ANK3: variants seen among roughly 807,000 people sequenced by gnomAD.
ANK3 encodes ankyrin 3.
Under a neutral mutation model 370.9 loss-of-function variants are expected in ANK3, and 57 were observed. That is an observed-to-expected ratio of 0.15 (90% CI 0.12 to 0.19). The LOEUF (loss-of-function observed/expected upper bound fraction) is 0.19, where lower values mean the gene tolerates loss of function less well. Among genes scored for constraint, ANK3 ranks in the 10% least tolerant of loss-of-function variants. The pLI is 1.00. For synonymous variants in ANK3, 1,929 were observed against 1,946.3 expected (o/e 0.99, Z 0.23); for missense variants, 4,439 against 5,302.1 (o/e 0.84, Z 5.06).
In ANK3 at chr10:60,723,705, G is replaced by C. The variant is rs150305440; in HGVS notation, c.57+9558C>G. On this transcript the variant is annotated intron_variant, in intron 1 of 43. Transcript: ENST00000373827. ...ACCATTAGGGCCCCTTTTTTTAAAC[G>C]ACCAAGATAGCTGATTTTACAAAAA... 7.9e-4 allele frequency among the ~76,000 whole-genome samples: 120 copies of C among 152,152 alleles called. 1 individual carries two copies. The highest frequency in any genetic ancestry group is 6.8e-3 in the Middle Eastern group (2 of 294).
chr10:60,323,735 G>A (rs1463561749), intron 1 of ANK3, among the ~76,000 whole-genome samples: 4 of 152,050 alleles, frequency 2.6e-5, no homozygotes, highest in African/African-American at 4.8e-5. Flanking sequence ...TTGGAGAGAT[G>A]AAAAAAGATC....
In ANK3 at chr10:60,535,696, G is replaced by T. The variant is rs560221837; in HGVS notation, c.96+79490C>A. On this transcript the variant is annotated intron_variant, in intron 2 of 43. Coordinates refer to the ANK3 transcript ENST00000373827. Reference sequence around the variant, plus strand: ...TAATTCCCCTCACAGGGCAAATATTGGTTCTGGGGTTGGGGGAAGAAAAAT... The same window carrying T: ...TAATTCCCCTCACAGGGCAAATATTTGTTCTGGGGTTGGGGGAAGAAAAAT... 1.5e-4 allele frequency among the ~76,000 whole-genome samples: 23 copies of T among 152,030 alleles called. 1 individual carries two copies. In the East Asian group the frequency reaches 3.1e-3, roughly 21 times the overall value.
chr10:60,176,368 C>CAA (rs752384374), intron 18 of ANK3, among the ~76,000 whole-genome samples: 4,124 of 101,946 alleles, frequency 0.04, 303 homozygotes, highest in African/African-American at 0.14. Flanking sequence ...CTCTGTCTCC[C>CAA]AAAAAAAAAA....
chr10:60,103,067 C>T (rs1188524947), intron 28 of ANK3, among the ~76,000 whole-genome samples: 6 of 152,064 alleles, frequency 3.9e-5, no homozygotes, highest in Non-Finnish European at 5.9e-5. Flanking sequence ...TCTCTTGCCT[C>T]AGCCTCCCGA....
intron 2 of ANK3, among the ~76,000 whole-genome samples, chr10:60,505,805 T>C (rs2075923569): frequency 1.3e-5 from 2 of 151,188 alleles, no homozygotes; most frequent in East Asian, 3.9e-4. Flanking sequence ...TAAAAAGCTC[T>C]TTTTTTTGAT....
At chr10:60,172,452 T>C in intron 20 of ANK3, 49 bp from the exon 21 acceptor site, 2 of 1,398,944 alleles carry the variant, frequency 1.4e-6, no homozygotes, top group Non-Finnish European at 2.0e-6. Context: ...TTATTCCACA[T>C]TTTTTTTGCT....
intron 28 of ANK3, among the ~76,000 whole-genome samples, chr10:60,099,595 T>TACTTTTCCATTTGTGC (rs2090810624): frequency 6.6e-6 from 1 of 152,212 alleles, no homozygotes; most frequent in South Asian, 2.1e-4. Flanking sequence ...TACATTTGTT[T>TACTTTTCCATTTGTGC]ACTTTTCCAT....
chr10:60,508,013 A>AT (rs1282425422), intron 2 of ANK3: 5 of 152,252 alleles, frequency 3.3e-5, no homozygotes, highest in African/African-American at 4.8e-5. Flanking sequence ...AGAACTGTGA[A>AT]TTTTTTTAAA....
In ANK3 at chr10:60,083,494, T is replaced by C. The variant is rs2085817164; in HGVS notation, c.4198A>G (p.Lys1400Glu). 2 of 1,610,354 alleles carry C rather than the reference T, an allele frequency of 1.2e-6. No homozygotes were observed. The highest frequency in any genetic ancestry group is 4.5e-5 in the East Asian group (2 of 44,748). Residue 1400 changes from lysine (K) to glutamate (E), a missense_variant and splice_region_variant, in exon 33 of 44, where the codon AAG becomes GAG. Physicochemically the swap from Lys to Glu is moderately conservative, Grantham distance 56. This residue lies in a region of ANK3 where 702 missense variants were observed against 941.5 expected (regional missense o/e 0.75). Transcript: ENST00000280772. ...ATTCTCTGTTAAAGATGATTTACCT[T>C]GATGGAAAATGGCAGTCTATTTTCT... ...FKENRLPFSI[K>E]IRDTSQEPCG...
chr10:60,067,973 A>T lies in ANK3; in HGVS notation c.12281T>A (p.Met4094Lys). Residue 4094 changes from methionine (M) to lysine (K), a missense_variant, in exon 38 of 44, where the codon ATG becomes AAG. This residue lies in a region of ANK3 where 99 missense variants were observed against 150.7 expected (regional missense o/e 0.66). Coordinates refer to ENST00000280772, the MANE Select transcript of ANK3 (RefSeq NM_020987.5). ...QSPCERTDIR[M>K]AIVADHLGLS... The stretch of plus-strand genomic sequence containing the variant: ...TCCCAGGTGATCGGCTACTATTGCC[A>T]TCCTGATATCTGTCCGTTCACATGG... 6.2e-7 allele frequency: 1 copy of T among 1,610,752 alleles called. No individual in the cohort carries two copies. The highest frequency in any genetic ancestry group is 8.5e-7 in the Non-Finnish European group (1 of 1,177,306).
In ANK3 at chr10:60,059,000, C is replaced by A. The variant is rs541438373; in HGVS notation, c.12686+340G>T. ...GAACTCCTGACCTCAGGTGATCCAC[C>A]CACCTCATTATTTTAAAGGAACAAT... On this transcript the variant is annotated intron_variant, in intron 41 of 43. Coordinates refer to ENST00000280772, the MANE Select transcript of ANK3 (RefSeq NM_020987.5). Among the ~76,000 whole-genome samples the A allele has an allele frequency of 3.6e-4, 55 of 152,202 alleles. No individual in the cohort carries two copies. The South Asian group carries it at 5.0e-3, about 14-fold the overall frequency.
At chr10:60,029,940 T>C (rs1344087276) in intron 43 of ANK3, 114 bp from the exon 44 acceptor site, 1 of 134,198 alleles carries the variant, frequency 7.5e-6, no homozygotes. Flanking sequence ...TGCCATTCAA[T>C]AGAAAAGTCT....
At chr10:60,234,553 A>C in intron 8 of ANK3, 135 bp downstream of exon 8, 1 of 558,904 alleles carries the variant, frequency 1.8e-6, no homozygotes, top group Non-Finnish European at 3.3e-6. Flanking sequence ...GAATAAAAGT[A>C]GCAGTCATTT....
At chr10:60,671,917 G>C (rs1480454586) in intron 1 of ANK3, among the ~76,000 whole-genome samples, 1 of 152,146 alleles carries the variant, frequency 6.6e-6, no homozygotes, top group African/African-American at 2.4e-5. Context: ...AGCTTCTCTG[G>C]GTCATGTATG....
intron 25 of ANK3, among the ~76,000 whole-genome samples, chr10:60,125,652 G>T (rs2093718880): frequency 6.6e-6 from 1 of 152,162 alleles, no homozygotes; most frequent in African/African-American, 2.4e-5. Context: ...GAAAGAAATA[G>T]CAAGGTTAAT....
At chr10:60,181,484 C>T in intron 17 of ANK3, 57 bp from the exon 18 acceptor site, 3 of 1,484,880 alleles carry the variant, frequency 2.0e-6, no homozygotes, top group Non-Finnish European at 2.8e-6. Flanking sequence ...ACACACATAG[C>T]CATGTTTGAG....
At chr10:60,421,971 AGGG>A (rs2063787640) in intron 2 of ANK3, among the ~76,000 whole-genome samples, 2 of 152,106 alleles carry the variant, frequency 1.3e-5, no homozygotes, top group African/African-American at 2.4e-5. Context: ...GTTAAAACTA[AGGG>A]TATAAAAATT....
chr10:60,511,789 ATT>A lies in ANK3; in HGVS notation c.96+103395_96+103396del, dbSNP rs5785448. Among the ~76,000 whole-genome samples the A allele has an allele frequency of 9.4e-3, 1,325 of 141,516 alleles. 16 individuals carry two copies. Among genetic ancestry groups the A allele is most frequent in the African/African-American group, 0.03 (1,174 of 38,518 alleles). The allele number at this position is 141,516 out of a possible 152,430, so 92.8% of individuals were successfully genotyped here. Reference sequence around the variant, plus strand: ...TATCAGCAGGACAATGGGGAAAGGCATTTTTTTTTTTTTTTTAAGGAGAGGAG... The same window carrying A: ...TATCAGCAGGACAATGGGGAAAGGCATTTTTTTTTTTTTTAAGGAGAGGAG... On this transcript the variant is annotated intron_variant, in intron 2 of 43. Coordinates refer to the ANK3 transcript ENST00000373827.
At chr10:60,215,324 T>G (rs2211238) in intron 8 of ANK3, among the ~76,000 whole-genome samples, 42,233 of 152,098 alleles carry the variant, frequency 0.28, 6,535 homozygotes, top group East Asian at 0.48. Flanking sequence ...TTCACTCTAA[T>G]GATAGTTTCT....
Sources: allele counts gnomAD v4.1 joint callset (sites outside exome capture counted in the v4.1 genomes callset), GRCh38; gene constraint gnomAD v4.1.1; regional missense constraint gnomAD v4.1.1; transcripts MANE v1.5; gene names NCBI Gene and HGNC (gene_info 2026-07-23, HGNC 2026-07-21).